The following ZNF676 variants were observed in gnomAD, a reference collection of about 807,000 sequenced individuals.
ZNF676 encodes zinc finger protein 676.
A neutral mutation model predicts 6.0 loss-of-function variants in ZNF676; 4 were observed. That is an observed-to-expected ratio of 0.67 (90% CI 0.33 to 1.53). The LOEUF is 1.53. Ranked by LOEUF, ZNF676 falls within the 40% of genes most tolerant of loss-of-function variation. ZNF676 has a pLI of 0.06. For synonymous variants in ZNF676, 198 were observed against 223.1 expected, an observed-to-expected ratio of 0.89 and a Z score of 1.00; for missense variants, 644 against 679.7, an observed-to-expected ratio of 0.95 and a Z score of 0.58.
the ZNF676 span, among the ~76,000 whole-genome samples, chr19:22,220,896 G>A: frequency 2.0e-5 from 3 of 152,276 alleles, no homozygotes; most frequent in South Asian, 6.2e-4. Context: ...GTTTGAGCAT[G>A]TAAAGGTATT....
chr19:22,240,023 G>C, the ZNF676 span, among the ~76,000 whole-genome samples: 17 of 152,350 alleles, frequency 1.1e-4, no homozygotes, highest in Admixed American at 7.8e-4. Flanking sequence ...TAACCTAGGG[G>C]ATGCACCCAG....
At chr19:22,236,997 T>C in the ZNF676 span, among the ~76,000 whole-genome samples, 2 of 152,228 alleles carry the variant, frequency 1.3e-5, no homozygotes, top group Non-Finnish European at 2.9e-5. Flanking sequence ...TTCCCACTGT[T>C]AGATCTGACA....
upstream of ZNF676, among the ~76,000 whole-genome samples, chr19:22,201,042 A>G (rs6511339): frequency 1 from 152,196 of 152,202 alleles, 76,095 homozygotes; most frequent in Non-Finnish European, 1. Context: ...GATAAGACAG[A>G]CAGAGAAGAC....
At chr19:22,217,251 G>A (rs557578460), upstream of ZNF676, among the ~76,000 whole-genome samples, 25 of 151,860 alleles carry the variant, frequency 1.6e-4, no homozygotes, top group Non-Finnish European at 3.1e-4. Context: ...TGCCCAGGCC[G>A]GAGTACAGTG....
At chr19:22,258,943 G>A in the ZNF676 span, among the ~76,000 whole-genome samples, 1 of 152,142 alleles carries the variant, frequency 6.6e-6, no homozygotes, top group Non-Finnish European at 1.5e-5. Flanking sequence ...AATCTCAACT[G>A]GGGACTTTAT....
chr19:22,233,123 A>C, the ZNF676 span, among the ~76,000 whole-genome samples: 1 of 152,166 alleles, frequency 6.6e-6, no homozygotes, highest in African/African-American at 2.4e-5. Flanking sequence ...ACATATATAA[A>C]ATTTAACATA....
At chr19:22,188,249 C>G (rs565705659) in intron 2 of ZNF676, among the ~76,000 whole-genome samples, 1 of 152,000 alleles carries the variant, frequency 6.6e-6, no homozygotes, top group Non-Finnish European at 1.5e-5. Flanking sequence ...TAAACAGAAC[C>G]AAAGACAAAA....
rs1479777747 is a variant in ZNF676 at position 22,179,944 on chromosome 19, A to G, written c.*6T>C. ...AGCTGAAGGATTTACCACATTCTTCACATTTTTAGGGATTCTCTCCAGTAT... is the reference window on the plus strand; with the variant it reads ...AGCTGAAGGATTTACCACATTCTTCGCATTTTTAGGGATTCTCTCCAGTAT... On this transcript the variant is annotated 3_prime_UTR_variant, in exon 3 of 3. Coordinates refer to ENST00000397121, the MANE Select transcript of ZNF676 (RefSeq NM_001001411.3). The G allele has an allele frequency of 2.5e-6, 4 of 1,610,886 alleles. No homozygotes were observed. The highest frequency in any genetic ancestry group is 1.7e-6 in the Non-Finnish European group (2 of 1,178,656).
chr19:22,229,747 A>G, the ZNF676 span, among the ~76,000 whole-genome samples: 6 of 152,242 alleles, frequency 3.9e-5, no homozygotes, highest in South Asian at 2.1e-4. Flanking sequence ...CATATGAAAA[A>G]AAGCTCACTG....
At chr19:22,192,335 A>C (rs2144758136) in intron 2 of ZNF676, among the ~76,000 whole-genome samples, 1 of 152,220 alleles carries the variant, frequency 6.6e-6, no homozygotes, top group Admixed American at 6.6e-5. Flanking sequence ...AATATATTTT[A>C]TGTCTATAGA....
chr19:22,253,550 A>AC, the ZNF676 span, among the ~76,000 whole-genome samples: 137,942 of 150,464 alleles, frequency 0.92, 64,471 homozygotes, highest in East Asian at 1. Flanking sequence ...ATGCTCTGAG[A>AC]CTTTGTGCAT....
At chr19:22,240,726 A>G in the ZNF676 span, among the ~76,000 whole-genome samples, 2 of 151,922 alleles carry the variant, frequency 1.3e-5, 1 homozygote, top group Admixed American at 1.3e-4. Context: ...CCAGGAGCGG[A>G]GTTTTCAGTG....
At chr19:22,199,707 T>A (rs1387718124), upstream of ZNF676, among the ~76,000 whole-genome samples, 1 of 152,154 alleles carries the variant, frequency 6.6e-6, no homozygotes, top group Non-Finnish European at 1.5e-5. Context: ...TTAGATAAAT[T>A]TTTATTGTGT....
upstream of ZNF676, among the ~76,000 whole-genome samples, chr19:22,197,549 A>G (rs1599715395): frequency 6.6e-6 from 1 of 152,128 alleles, no homozygotes; most frequent in East Asian, 1.9e-4. Context: ...TTTTGGCCCA[A>G]AAAGACTATT....
Position 22,196,581 on chromosome 19 carries a change from G to GT in ZNF676, c.34+18dup. The GT allele has an allele frequency of 6.2e-7, 1 of 1,613,474 alleles. No individual in the cohort carries two copies. Among genetic ancestry groups the GT allele is most frequent in the Admixed American group, 1.7e-5 (1 of 59,986 alleles). On this transcript the variant is annotated intron_variant, in intron 1 of 2. Transcript: ENST00000397121. ...ACCTGTAGTATATACTAGGAATTGC[G>GT]TATTAAAGTTATTCTCACCCAGGAA...
At chr19:22,257,670 C>A in the ZNF676 span, among the ~76,000 whole-genome samples, 2 of 152,216 alleles carry the variant, frequency 1.3e-5, no homozygotes, top group Non-Finnish European at 2.9e-5. Context: ...AACCTAGGTG[C>A]TGGGCCCAGT....
Position 22,181,410 on chromosome 19 carries a change from G to T in ZNF676, c.307C>A (p.Gln103Lys). Reference sequence around the variant, plus strand: ...TTGCTCTGTGTAGTTGTTAAACTCTGGTTAAGTTTATTATAACCTTCTTTG... The same window carrying T: ...TTGCTCTGTGTAGTTGTTAAACTCTTGTTAAGTTTATTATAACCTTCTTTG... ...VHKEGYNKLN[Q>K]SLTTTQSKVF... Residue 103 changes from glutamine (Q) to lysine (K), a missense_variant, in exon 3 of 3, where the codon CAG becomes AAG. By Grantham distance (53) the Gln-to-Lys change is moderately conservative (BLOSUM62 1). This residue lies in a region of ZNF676 where 280 missense variants were observed against 269.3 expected (regional missense o/e 1.04). Coordinates refer to ENST00000397121, the MANE Select transcript of ZNF676 (RefSeq NM_001001411.3). 1 of 1,613,514 alleles carries T rather than the reference G, an allele frequency of 6.2e-7. No individual in the cohort carries two copies. Among genetic ancestry groups the T allele is most frequent in the Non-Finnish European group, 8.5e-7 (1 of 1,179,644 alleles).
At chr19:22,194,027 G>C (rs930132677) in intron 1 of ZNF676, among the ~76,000 whole-genome samples, 2 of 152,158 alleles carry the variant, frequency 1.3e-5, no homozygotes, top group African/African-American at 4.8e-5. Context: ...AGGCTAGGTA[G>C]AATCACACTG....
chr19:22,234,111 C>T, the ZNF676 span, among the ~76,000 whole-genome samples: 191 of 152,330 alleles, frequency 1.3e-3, 6 homozygotes, highest in South Asian at 0.038. Flanking sequence ...AGGTGCACTG[C>T]TCAAAATTCT....
Sources: gnomAD v4.1 joint callset for allele counts (sites outside exome capture counted in the v4.1 genomes callset) on GRCh38, gnomAD v4.1.1 for gene constraint, gnomAD v4.1.1 regional missense constraint, MANE v1.5 for transcripts, NCBI Gene and HGNC (gene_info 2026-07-23, HGNC 2026-07-21) for gene names.